The following PCDHGB3 variants were observed in gnomAD, a reference collection of about 807,000 sequenced individuals.
PCDHGB3 encodes the protein protocadherin gamma subfamily B, 3.
PCDHGB3 carries 40 observed loss-of-function variants against 59.2 expected under a neutral mutation model. The observed-to-expected ratio is 0.68, with a 90% CI of 0.52 to 0.88. The LOEUF (loss-of-function observed/expected upper bound fraction) is 0.88, where lower values mean the gene tolerates loss of function less well. PCDHGB3 is among the 40% of genes least tolerant of loss of function. The probability of loss-of-function intolerance (pLI) is 0.00; values close to 1 mark genes in which losing one functional copy is unlikely to be tolerated. For missense variants in PCDHGB3, 1,309 were observed against 1,187.9 expected (o/e 1.10, Z -1.50); for synonymous variants, 581 against 503.6 (o/e 1.15, Z -2.06).
chr5:141,480,381 C>T (rs1018981416), intron 1 of PCDHGB3, among the ~76,000 whole-genome samples: 2 of 151,926 alleles, frequency 1.3e-5, no homozygotes, highest in Non-Finnish European at 2.9e-5. Context: ...CACCACTACA[C>T]TTCAACCATG....
At position 141,432,587 on chromosome 5, in the gene PCDHGB3, A is replaced by G. The variant is rs1344597432; in HGVS notation, c.2415+59778A>G. 5 of 1,613,132 alleles carry G rather than the reference A, an allele frequency of 3.1e-6. No homozygotes were observed. In the East Asian group the frequency reaches 8.9e-5, roughly 29 times the overall value. ...CGCCTGGCTGTCCTACCGTCTGCTC[A>G]AGGCCAGCGAGCCGGGACTCTTCTC... On this transcript the variant is annotated intron_variant, in intron 1 of 3. Transcript: ENST00000576222. This position sits in a 1 kb window ranked among gnomAD's most constrained non-coding sequence, Gnocchi z 6.0.
intron 3 of PCDHGB3, among the ~76,000 whole-genome samples, chr5:141,505,782 T>A (rs1163025757): frequency 6.6e-6 from 1 of 152,204 alleles, no homozygotes; most frequent in Non-Finnish European, 1.5e-5. Context: ...CTAGCTCTGC[T>A]ACTATCCTTG....
intron 1 of PCDHGB3, chr5:141,400,775 C>T (rs2094072666): frequency 5.4e-6 from 3 of 559,824 alleles, no homozygotes; most frequent in South Asian, 5.1e-5. Context: ...ACATTTGGTG[C>T]GTTTTTTTGT....
chr5:141,423,744 A>T, intron 1 of PCDHGB3: 4 of 429,458 alleles, frequency 9.3e-6, no homozygotes, highest in Non-Finnish European at 8.7e-6. Context: ...TGTTATGAAA[A>T]CTGTTTGGGG....
chr5:141,401,815 C>G (rs1217081146), intron 1 of PCDHGB3, among the ~76,000 whole-genome samples: 1 of 152,184 alleles, frequency 6.6e-6, no homozygotes, highest in Non-Finnish European at 1.5e-5. Flanking sequence ...GGGTTCCTTA[C>G]AAAGTGCTGA....
At chr5:141,389,170 C>CCCTCT (rs2091633405) in intron 1 of PCDHGB3, 3 of 1,614,006 alleles carry the variant, frequency 1.9e-6, no homozygotes, top group Non-Finnish European at 2.5e-6. Context: ...GGCAAGCCTC[C>CCCTCT]CCTCTCCTCC....
chr5:141,407,505 T>TTTTTTTTTTTTTTTTTTTTTTTTTTGAG (rs1460306566), intron 1 of PCDHGB3, among the ~76,000 whole-genome samples: 1 of 152,146 alleles, frequency 6.6e-6, no homozygotes, highest in Non-Finnish European at 1.5e-5. Context: ...CTGTTTTTCT[T>TTTTTTTTTTTTTTTTTTTTTTTTTTGAG]AGGCTATGTA....
rs757568006 is a variant in PCDHGB3 at position 141,389,895 on chromosome 5, C to A, written c.2415+17086C>A. 1.2e-5 allele frequency: 20 copies of A among 1,614,088 alleles called. No homozygotes were observed. In the Middle Eastern group the frequency reaches 2.0e-3, roughly 160 times the overall value. On this transcript the variant is annotated intron_variant, in intron 1 of 3. Coordinates refer to ENST00000576222, the MANE Select transcript of PCDHGB3 (RefSeq NM_018924.5). Reference sequence around the variant, plus strand: ...CGCCGACAGCTTGCAGGAGGTGCTGCCGGATATCACTGACCGCCCCGACCC... The same window carrying A: ...CGCCGACAGCTTGCAGGAGGTGCTGACGGATATCACTGACCGCCCCGACCC...
chr5:141,409,720 A>C (rs2095305667), intron 1 of PCDHGB3: 1 of 1,613,176 alleles, frequency 6.2e-7, no homozygotes, highest in Non-Finnish European at 8.5e-7. Context: ...CATACGTGTC[A>C]GTGAGCGCGC....
Position 141,487,687 on chromosome 5 carries a change from A to G in PCDHGB3, c.2416-7120A>G, listed in dbSNP as rs750431854. ...CAGGCATATGGCTAGGCCATGTCCTAGAGAGTACTGGCCTCTCAGTAAGTG... is the reference window on the plus strand; with the variant it reads ...CAGGCATATGGCTAGGCCATGTCCTGGAGAGTACTGGCCTCTCAGTAAGTG... On this transcript the variant is annotated intron_variant, in intron 1 of 3. Transcript: ENST00000576222. This position sits in a 1 kb window ranked among gnomAD's most constrained non-coding sequence, Gnocchi z 5.0. The G allele has an allele frequency of 1.9e-6, 3 of 1,606,256 alleles. No individual in the cohort carries two copies. The highest frequency in any genetic ancestry group is 3.4e-5 in the Admixed American group (2 of 58,832).
intron 1 of PCDHGB3, chr5:141,433,359 CT>C: frequency 8.7e-6 from 2 of 228,708 alleles, no homozygotes; most frequent in Non-Finnish European, 1.6e-5. Context: ...TACTGTCTGC[CT>C]ATCTATCTAT....
At chr5:141,400,166 C>T (rs370071207) in intron 1 of PCDHGB3, 80 of 1,613,954 alleles carry the variant, frequency 5.0e-5, no homozygotes, top group South Asian at 7.7e-5. Context: ...CCCTCTGACC[C>T]CCAGGCTGAG....
In PCDHGB3 at chr5:141,491,961, G is replaced by A. The variant is rs891299192; in HGVS notation, c.2416-2846G>A. 3 of 970,010 alleles carry A rather than the reference G, an allele frequency of 3.1e-6. No individual in the cohort carries two copies. The highest frequency in any genetic ancestry group is 4.3e-6 in the Non-Finnish European group (3 of 693,098). 60.1% of individuals were successfully genotyped at this position (970,010 alleles called of 1,614,324 possible). On this transcript the variant is annotated intron_variant, in intron 1 of 3. Transcript: ENST00000576222. This position sits in a 1 kb window ranked among gnomAD's most constrained non-coding sequence, Gnocchi z 6.9. ...GACCCCCACCCCTACACTCAAAAAAGGCCGGGGCCTCCTTCGAGCTTCCGG... is the reference window on the plus strand; with the variant it reads ...GACCCCCACCCCTACACTCAAAAAAAGCCGGGGCCTCCTTCGAGCTTCCGG...
At position 141,431,277 on chromosome 5, in the gene PCDHGB3, G is replaced by T; in HGVS notation, c.2415+58468G>T. 6.2e-7 allele frequency: 1 copy of T among 1,614,160 alleles called. No homozygotes were observed. The highest frequency in any genetic ancestry group is 1.3e-5 in the African/African-American group (1 of 75,062). On this transcript the variant is annotated intron_variant, in intron 1 of 3. Transcript: ENST00000576222. This position sits in a 1 kb window ranked among gnomAD's most constrained non-coding sequence, Gnocchi z 4.8. ...AACTCTCTGCAGAGCTACGAGCTCAGCCCGAACACTCACTTCTCCCTCATC... is the reference window on the plus strand; with the variant it reads ...AACTCTCTGCAGAGCTACGAGCTCATCCCGAACACTCACTTCTCCCTCATC...
At chr5:141,393,937 ACT>A in intron 1 of PCDHGB3, 3 of 1,613,906 alleles carry the variant, frequency 1.9e-6, no homozygotes, top group Non-Finnish European at 2.5e-6. Flanking sequence ...CATGACCAAG[ACT>A]CTGGAAAGAA....
chr5:141,389,996 C>T, intron 1 of PCDHGB3: 1 of 1,614,022 alleles, frequency 6.2e-7, no homozygotes, highest in Non-Finnish European at 8.5e-7. Context: ...TCCTCGTGGC[C>T]ATGATTCTGG....
chr5:141,476,346 T>G lies in PCDHGB3; in HGVS notation c.2416-18461T>G, dbSNP rs1239836597. On this transcript the variant is annotated intron_variant, in intron 1 of 3. Coordinates refer to ENST00000576222, the MANE Select transcript of PCDHGB3 (RefSeq NM_018924.5). The surrounding 1 kb of genome is among the most constrained non-coding windows in gnomAD (Gnocchi z 7.6). The stretch of plus-strand genomic sequence containing the variant: ...GTGTCTGGAGCTAGCCGAAGATTCT[T>G]TGAGGTGAACCGGGAGACCGGAGAG... 2.5e-6 allele frequency: 4 copies of G among 1,613,932 alleles called. No individual in the cohort carries two copies. Among genetic ancestry groups the G allele is most frequent in the Non-Finnish European group, 3.4e-6 (4 of 1,180,022 alleles).
rs1442570663 is a variant in PCDHGB3, at chr5:141,438,613, TATATATATATATATATATATATACACAC to T, written c.2416-56192_2416-56165del. On this transcript the variant is annotated intron_variant, in intron 1 of 3. Transcript: ENST00000576222. Reference sequence around the variant, plus strand: ...ATACATATATATATATATATATATATATATATATATATATATATATATACACACACACACACACATATATGTATATATA... The same window carrying T: ...ATACATATATATATATATATATATATACACACACACATATATGTATATATA... Among the ~76,000 whole-genome samples, 243 of 36,492 alleles carry T rather than the reference TATATATATATATATATATATATACACAC, an allele frequency of 6.7e-3. 7 individuals are homozygous for T. The highest frequency in any genetic ancestry group is 0.033 in the East Asian group (37 of 1,124). The allele number at this position is 36,492 out of a possible 152,430, so 23.9% of individuals were successfully genotyped here.
intron 1 of PCDHGB3, chr5:141,478,282 G>A: frequency 6.2e-7 from 1 of 1,614,184 alleles, no homozygotes; most frequent in Non-Finnish European, 8.5e-7. Flanking sequence ...AGTGGAAGCA[G>A]TCTAGAGACC....
Sources: allele counts gnomAD v4.1 joint callset (sites outside exome capture counted in the v4.1 genomes callset), GRCh38; gene constraint gnomAD v4.1.1; non-coding constraint Gnocchi (gnomAD v3.1); transcripts MANE v1.5; gene names NCBI Gene and HGNC (gene_info 2026-07-23, HGNC 2026-07-21).